The following UVRAG variants were observed in gnomAD, a reference collection of about 807,000 sequenced individuals.
UVRAG encodes the protein UV radiation resistance-associated gene protein.
UVRAG carries 19 observed loss-of-function variants against 78.0 expected under a neutral mutation model. That is an observed-to-expected ratio of 0.24 (90% CI 0.17 to 0.36). The LOEUF (loss-of-function observed/expected upper bound fraction) is 0.36, where lower values mean the gene tolerates loss of function less well. Among genes scored for constraint, UVRAG ranks in the 10% least tolerant of loss-of-function variants. The probability of loss-of-function intolerance (pLI) is 1.00; values close to 1 mark genes in which losing one functional copy is unlikely to be tolerated. For missense variants in UVRAG, 740 were observed against 853.8 expected, an observed-to-expected ratio of 0.87 and a Z score of 1.66; for synonymous variants, 323 against 324.6, an observed-to-expected ratio of 1.00 and a Z score of 0.05.
chr11:76,020,442 A>G (rs1057390568), intron 12 of UVRAG, among the ~76,000 whole-genome samples: 3 of 152,032 alleles, frequency 2.0e-5, no homozygotes, highest in Non-Finnish European at 2.9e-5. Context: ...TTTTGGTCAC[A>G]GGTGATGAAT....
intron 14 of UVRAG, among the ~76,000 whole-genome samples, chr11:76,120,082 T>C (rs1483847832): frequency 6.6e-6 from 1 of 152,184 alleles, no homozygotes; most frequent in Non-Finnish European, 1.5e-5. Flanking sequence ...ACCACCTTCC[T>C]CACCTCATCG....
intron 13 of UVRAG, among the ~76,000 whole-genome samples, chr11:76,108,861 A>G (rs552249544): frequency 1.3e-5 from 2 of 152,256 alleles, no homozygotes; most frequent in African/African-American, 4.8e-5. Flanking sequence ...GTTTCTCCCC[A>G]CTTCCCATCT....
chr11:75,835,159 GT>G (rs1262636234), intron 1 of UVRAG: 1 of 152,094 alleles, frequency 6.6e-6, no homozygotes, highest in African/African-American at 2.4e-5. Context: ...GAATTTTTGT[GT>G]GTATCATGTG....
chr11:75,936,628 T>G (rs1018905690), intron 6 of UVRAG, among the ~76,000 whole-genome samples: 11 of 152,284 alleles, frequency 7.2e-5, no homozygotes, highest in African/African-American at 2.6e-4. Context: ...TCCATCACTC[T>G]TTGAGTATGT....
chr11:75,924,995 GA>G (rs1465550004), intron 6 of UVRAG, among the ~76,000 whole-genome samples: 1 of 152,198 alleles, frequency 6.6e-6, no homozygotes, highest in Non-Finnish European at 1.5e-5. Flanking sequence ...AGCATTCTTT[GA>G]GGGCAGTTAA....
intron 1 of UVRAG, among the ~76,000 whole-genome samples, chr11:75,825,808 C>A (rs1484176501): frequency 6.6e-6 from 1 of 151,580 alleles, no homozygotes; most frequent in African/African-American, 2.4e-5. Context: ...AACAGTTCCA[C>A]TGTTCTTGGC....
chr11:76,018,896 G>C (rs574106286), intron 12 of UVRAG, among the ~76,000 whole-genome samples: 1 of 152,128 alleles, frequency 6.6e-6, no homozygotes, highest in East Asian at 1.9e-4. Flanking sequence ...CCTAGGTTTG[G>C]GAAGTTCTCT....
chr11:75,856,758 T>A (rs1946302513), intron 2 of UVRAG, among the ~76,000 whole-genome samples: 1 of 152,176 alleles, frequency 6.6e-6, no homozygotes, highest in African/African-American at 2.4e-5. Flanking sequence ...GTCTTCAAGT[T>A]TTAAATGTCA....
At chr11:75,854,227 C>CA (rs1946234341) in intron 2 of UVRAG, among the ~76,000 whole-genome samples, 4 of 152,254 alleles carry the variant, frequency 2.6e-5, no homozygotes, top group African/African-American at 9.6e-5. Flanking sequence ...TGGCAGCTGT[C>CA]CTTTAAGTGA....
At chr11:76,040,887 T>C (rs1309998656) in intron 12 of UVRAG, among the ~76,000 whole-genome samples, 2 of 151,872 alleles carry the variant, frequency 1.3e-5, no homozygotes, top group African/African-American at 4.8e-5. Flanking sequence ...AAGTGTTAAG[T>C]GGAAATAGAA....
At chr11:75,943,141 TTATACTA>T (rs1565391478) in intron 6 of UVRAG, among the ~76,000 whole-genome samples, 3 of 152,050 alleles carry the variant, frequency 2.0e-5, no homozygotes, top group Non-Finnish European at 2.9e-5. Flanking sequence ...GTACAAATAT[TTATACTA>T]TAGCACCTAT....
intron 2 of UVRAG, 80 bp downstream of exon 2, chr11:75,852,080 C>T (rs1174049154): frequency 5.0e-6 from 5 of 1,007,688 alleles, no homozygotes; most frequent in Non-Finnish European, 7.4e-6. Flanking sequence ...CTCAGTGCCT[C>T]CTGCTTTTGT....
At chr11:75,918,534 G>T (rs1397726752) in intron 6 of UVRAG, among the ~76,000 whole-genome samples, 1 of 152,090 alleles carries the variant, frequency 6.6e-6, no homozygotes, top group Non-Finnish European at 1.5e-5. Flanking sequence ...TTATTTCAAA[G>T]TCCTCCCACT....
At chr11:75,851,640 A>G (rs1164747806) in intron 1 of UVRAG, among the ~76,000 whole-genome samples, 2 of 152,230 alleles carry the variant, frequency 1.3e-5, no homozygotes, top group Admixed American at 1.3e-4. Context: ...GTCCTTTTCA[A>G]AAATATTTCA....
intron 6 of UVRAG, among the ~76,000 whole-genome samples, chr11:75,917,717 A>G (rs1470926871): frequency 1.3e-5 from 2 of 152,134 alleles, no homozygotes; most frequent in Non-Finnish European, 2.9e-5. Context: ...TGGTTTGTCT[A>G]ATGGTATTAT....
chr11:76,070,875 G>T (rs750322292), intron 13 of UVRAG, among the ~76,000 whole-genome samples: 3 of 152,172 alleles, frequency 2.0e-5, no homozygotes, highest in Non-Finnish European at 2.9e-5. Flanking sequence ...TACAGTTTCC[G>T]TTGGGGTGAT....
At chr11:76,082,844 A>G (rs1252258737) in intron 13 of UVRAG, among the ~76,000 whole-genome samples, 21 of 152,174 alleles carry the variant, frequency 1.4e-4, no homozygotes, top group Admixed American at 1.4e-3. Context: ...AACCTGAGCA[A>G]CATGATGAAA....
chr11:76,086,418 T>G (rs1951590063), intron 13 of UVRAG, among the ~76,000 whole-genome samples: 1 of 152,348 alleles, frequency 6.6e-6, no homozygotes, highest in Non-Finnish European at 1.5e-5. Context: ...GTTTAAGGAT[T>G]TAAAGTATTG....
At chr11:76,137,146 G>A in intron 14 of UVRAG, 1 of 330,526 alleles carries the variant, frequency 3.0e-6, no homozygotes, top group Non-Finnish European at 6.0e-6. Context: ...ACAGCTCCTG[G>A]CCCGCCACGC....
Sources: gnomAD v4.1 joint callset for allele counts (sites outside exome capture counted in the v4.1 genomes callset) on GRCh38, gnomAD v4.1.1 for gene constraint, MANE v1.5 for transcripts, NCBI Gene and HGNC (gene_info 2026-07-23, HGNC 2026-07-21) for gene names.